The following TTN variants were observed in gnomAD, a reference collection of about 807,000 sequenced individuals.
TTN encodes connectin.
In TTN, 1,525 loss-of-function variants were observed where a neutral mutation model predicts 3,223.0. The observed-to-expected ratio is 0.47, with a 90% CI of 0.45 to 0.49. The LOEUF (loss-of-function observed/expected upper bound fraction) is 0.49, where lower values mean the gene tolerates loss of function less well. TTN is among the 20% of genes least tolerant of loss of function. The pLI, the probability that TTN is intolerant of heterozygous loss-of-function variation, is 0.00. For missense variants in TTN, 40,786 were observed against 43,424.0 expected (o/e 0.94, Z 5.40); for synonymous variants, 14,094 against 15,161.0 (o/e 0.93, Z 5.17).
chr2:178,531,565 G>A lies in TTN; in HGVS notation c.105050C>T (p.Thr35017Ile). The A allele has an allele frequency of 6.2e-7, 1 of 1,613,934 alleles. No homozygotes were observed. The highest frequency in any genetic ancestry group is 1.1e-5 in the South Asian group (1 of 91,086). ...DDSGTYRAVC[T>I]NYKGEASDYA... ...GTCAGAAGCTTCGCCCTTGTAGTTG[G>A]TGCACACAGCACGGTAGGTTCCACT... Residue 35017 changes from threonine (T) to isoleucine (I), a missense_variant, in exon 358 of 363, where the codon ACC becomes ATC. By Grantham distance (89) the Thr-to-Ile change is moderately conservative. Transcript: ENST00000589042.
rs528358945 is a variant in TTN, at chr2:178,543,061, G to A, written c.96904+8C>T. The A allele has an allele frequency of 1.2e-4, 177 of 1,532,890 alleles. 4 individuals are homozygous for A. The South Asian group carries it at 1.8e-3, about 16-fold the overall frequency. The allele number at this position is 1,532,890 out of a possible 1,614,324, so 95.0% of individuals were successfully genotyped here. ...CTTTTTTTTTTTTTTTGGCTATTTG[G>A]TACATACCTCTGAGGTCTTGTACAG... On this transcript the variant is annotated splice_region_variant and intron_variant, in intron 347 of 362. Coordinates refer to ENST00000589042, the MANE Select transcript of TTN (RefSeq NM_001267550.2).
At chr2:178,764,109 G>T (rs1226015912) in intron 43 of TTN, 68 bp downstream of exon 43, 2 of 1,607,914 alleles carry the variant, frequency 1.2e-6, no homozygotes, top group African/African-American at 1.3e-5. Flanking sequence ...AGGAGAAGCT[G>T]ACAGAATGTT....
rs770632756 is a variant in TTN, at chr2:178,664,694, A to T, written c.36162T>A (p.Leu12054=). The change falls in exon 167 of 363, where the codon CTT becomes CTA. Residue 12054 remains leucine (L), a synonymous_variant. Transcript: ENST00000589042. ...LQEIVPEKKT[L]VVPLRKPEVL... ...CTTCAGGCTTTCTGAGAGGAACCAC[A>T]AGCGTTTTCTTTTCAGGGACAATTT... The T allele has an allele frequency of 1.9e-6, 3 of 1,612,440 alleles. No homozygotes were observed. The Admixed American group carries it at 5.0e-5, about 27-fold the overall frequency.
Position 178,721,832 on chromosome 2 carries a change from G to C in TTN, c.22816+15C>G. 1 of 1,513,184 alleles carries C rather than the reference G, an allele frequency of 6.6e-7. No individual in the cohort carries two copies. The allele number at this position is 1,513,184 out of a possible 1,614,324, so 93.7% of individuals were successfully genotyped here. ...TGGTAAGGAACAAATATTGTCAAAA[G>C]TCATGGAATGATACCTTTTACACTG... On this transcript the variant is annotated intron_variant, in intron 78 of 362. Coordinates refer to ENST00000589042, the MANE Select transcript of TTN (RefSeq NM_001267550.2).
Position 178,569,969 on chromosome 2 carries a change from C to G in TTN, c.76163G>C (p.Ser25388Thr). The G allele has an allele frequency of 3.7e-6, 6 of 1,612,018 alleles. No homozygotes were observed. The highest frequency in any genetic ancestry group is 5.1e-6 in the Non-Finnish European group (6 of 1,178,704). ...GTAAGCAGAAGGAGGGCTTGGTTCACTAAGTCCAGCAGCATTCTCAGCAGA... is the reference window on the plus strand; with the variant it reads ...GTAAGCAGAAGGAGGGCTTGGTTCAGTAAGTCCAGCAGCATTCTCAGCAGA... The part of the protein sequence containing the change: ...RVSAENAAGL[S>T]EPSPPSAYQK... The change falls in exon 326 of 363, where the codon AGT becomes ACT. Residue 25388 changes from serine to threonine, a missense_variant. By Grantham distance (58) the Ser-to-Thr change is moderately conservative (BLOSUM62 1). Coordinates refer to ENST00000589042, the MANE Select transcript of TTN (RefSeq NM_001267550.2).
Position 178,729,491 on chromosome 2 carries a change from A to G in TTN, c.18665T>C (p.Val6222Ala). ...KYSDVELECE[V>A]TGTPPFEVTW... ...GACTTCAAACGGAGGTGTTCCCGTA[A>G]CTTCACACTCCAGCTCCACGTCACT... The change falls in exon 64 of 363, where the codon GTT becomes GCT. Residue 6222 changes from valine to alanine, a missense_variant. Coordinates refer to ENST00000589042, the MANE Select transcript of TTN (RefSeq NM_001267550.2). 6.2e-7 allele frequency: 1 copy of G among 1,613,604 alleles called. No homozygotes were observed. Among genetic ancestry groups the G allele is most frequent in the Non-Finnish European group, 8.5e-7 (1 of 1,179,644 alleles).
Position 178,590,500 on chromosome 2 carries a change from C to T in TTN, c.61225G>A (p.Glu20409Lys), listed in dbSNP as rs2049975714. The T allele has an allele frequency of 1.9e-6, 3 of 1,613,130 alleles. No individual in the cohort carries two copies. Among genetic ancestry groups the T allele is most frequent in the Non-Finnish European group, 2.5e-6 (3 of 1,179,426 alleles). ...TGTGCTGTGCCAGGTTTCTGACATT[C>T]CACTACATATCCTAGAATGGGGCTA... ...GGSPILGYVV[E>K]CQKPGTAQWN... The change falls in exon 304 of 363, where the codon GAA (glutamate) becomes AAA (lysine). Residue 20409 changes from glutamate (E) to lysine (K), a missense_variant. Transcript: ENST00000589042.
intron 4 of TTN, 39 bp downstream of exon 4, chr2:178,800,356 C>A (rs1341601167): frequency 6.2e-7 from 1 of 1,613,010 alleles, no homozygotes; most frequent in East Asian, 2.2e-5. Flanking sequence ...CAAACCAGCT[C>A]TCTCCCCTTC....
rs1707949011 is a variant in TTN at position 178,570,875 on chromosome 2, G to A, written c.75257C>T (p.Ala25086Val). The part of the protein sequence containing the change: ...RYEFRVIARN[A>V]AGVFSEPSES... ...TGAAGGCTCACTAAACACTCCTGCG[G>A]CATTTCGGGCTATAACCCGGAACTC... Residue 25086 changes from alanine (A) to valine (V), a missense_variant, in exon 326 of 363, where the codon GCC (alanine) becomes GTC (valine). Physicochemically the swap from Ala to Val is moderately conservative, Grantham distance 64 (BLOSUM62 0). Transcript: ENST00000589042. 4 of 1,613,514 alleles carry A rather than the reference G, an allele frequency of 2.5e-6. No homozygotes were observed. Among genetic ancestry groups the A allele is most frequent in the Non-Finnish European group, 3.4e-6 (4 of 1,179,616 alleles).
chr2:178,672,696 C>G lies in TTN; in HGVS notation c.34794G>C (p.Lys11598Asn). The G allele has an allele frequency of 6.2e-7, 1 of 1,602,196 alleles. No homozygotes were observed. Residue 11598 changes from lysine (K) to asparagine (N), a missense_variant, in exon 153 of 363, where the codon AAG becomes AAC. Physicochemically the swap from Lys to Asn is moderately conservative, Grantham distance 94. Transcript: ENST00000589042. ...CAGGTACTTTTTCCTCAGGAATTTT[C>G]TTTGACACTTTAAAGATATTAGGTG... ...KVEAPPAKVS[K>N]KIPEEKVPVP...
chr2:178,665,070 G>T, intron 165 of TTN, 144 bp from the exon 166 acceptor site: 1 of 1,015,246 alleles, frequency 9.8e-7, no homozygotes, highest in Non-Finnish European at 1.4e-6. Flanking sequence ...GTCTTTTAAG[G>T]GGTTAGTGGA....
rs1701748367 is a variant in TTN, at chr2:178,556,965, T to C, written c.88189A>G (p.Ile29397Val). Residue 29397 changes from isoleucine to valine, a missense_variant, in exon 330 of 363, where the codon ATC becomes GTC. By Grantham distance (29) the Ile-to-Val change is conservative (BLOSUM62 3). Coordinates refer to ENST00000589042, the MANE Select transcript of TTN (RefSeq NM_001267550.2). ...TGGGAATTCTGAGTCAAGCCAGAGA[T>C]GATGAATTGAGTTTCAGTAACATTG... ...FTNVTETQFI[I>V]SGLTQNSQYE... The C allele has an allele frequency of 1.2e-6, 2 of 1,613,666 alleles. No homozygotes were observed. The highest frequency in any genetic ancestry group is 1.1e-5 in the South Asian group (1 of 91,080).
Position 178,679,579 on chromosome 2 carries a change from G to T in TTN, c.33664+20C>A. The T allele has an allele frequency of 1.2e-6, 2 of 1,605,606 alleles. No individual in the cohort carries two copies. Among genetic ancestry groups the T allele is most frequent in the Non-Finnish European group, 1.7e-6 (2 of 1,177,026 alleles). ...GGCAGATGAAGTCTCTTAGATACCC[G>T]TCAATGAATGGTGGTGTACCTTTTG... On this transcript the variant is annotated intron_variant, in intron 141 of 362. Coordinates refer to ENST00000589042, the MANE Select transcript of TTN (RefSeq NM_001267550.2).
At chr2:178,792,471 A>T (rs569912324) in intron 9 of TTN, among the ~76,000 whole-genome samples, 1 of 152,214 alleles carries the variant, frequency 6.6e-6, no homozygotes, top group South Asian at 2.1e-4. Context: ...ATGACTTCCA[A>T]TGTTTACAAA....
rs754896104 is a variant in TTN at position 178,800,577 on chromosome 2, A to C, written c.401T>G (p.Val134Gly). 4 of 1,614,150 alleles carry C rather than the reference A, an allele frequency of 2.5e-6. No homozygotes were observed. In the East Asian group the frequency reaches 8.9e-5, roughly 36 times the overall value. ...QVRVTGIPTP[V>G]VKFYRDGAEI... is the part of the protein sequence containing the mutation. Reference sequence around the variant, plus strand: ...GGCTCCATCCCGGTAGAACTTCACCACAGGTGTAGGGATTCCAGTCACTCT... The same window carrying C: ...GGCTCCATCCCGGTAGAACTTCACCCCAGGTGTAGGGATTCCAGTCACTCT... The change falls in exon 4 of 363, where the codon GTG becomes GGG. Residue 134 changes from valine (V) to glycine (G), a missense_variant. Physicochemically the swap from Val to Gly is moderately radical, Grantham distance 109. Transcript: ENST00000589042.
Position 178,729,954 on chromosome 2 carries a change from G to A in TTN, c.18308-9C>T, listed in dbSNP as rs1167675230. The A allele has an allele frequency of 7.5e-6, 12 of 1,606,336 alleles. No individual in the cohort carries two copies. Among genetic ancestry groups the A allele is most frequent in the Non-Finnish European group, 4.2e-6 (5 of 1,177,398 alleles). ...AATGAATTGAGGAGGTTCTAAAGAT[G>A]GAAAAAGAATTGTGATGTTGAATAT... is the stretch of plus-strand genomic sequence containing the variant. On this transcript the variant is annotated splice_polypyrimidine_tract_variant and intron_variant, in intron 62 of 362. Transcript: ENST00000589042.
rs955762474 is a variant in TTN, at chr2:178,554,981, G to A, written c.88478C>T (p.Thr29493Met). Residue 29493 changes from threonine to methionine, a missense_variant, in exon 331 of 363, where the codon ACG becomes ATG. Physicochemically the swap from Thr to Met is moderately conservative, Grantham distance 81 (BLOSUM62 -1). Coordinates refer to ENST00000589042, the MANE Select transcript of TTN (RefSeq NM_001267550.2). Reference sequence around the variant, plus strand: ...TTTGATGAGTATAGATGCGAGGTCCGTGGTATTTTCAACACACACCAGTGC... The same window carrying A: ...TTTGATGAGTATAGATGCGAGGTCCATGGTATTTTCAACACACACCAGTGC... ...TNALVCVENT[T>M]DLASILIKDA... is the part of the protein sequence containing the mutation. 1.9e-5 allele frequency: 31 copies of A among 1,613,636 alleles called. No individual in the cohort carries two copies. The highest frequency in any genetic ancestry group is 3.3e-4 in the Middle Eastern group (2 of 6,060).
At position 178,620,756 on chromosome 2, in the gene TTN, CTG is replaced by C. The variant is rs1266824761; in HGVS notation, c.45852_45853del (p.His15284GlnfsTer3). On this transcript the variant is annotated frameshift_variant, in exon 247 of 363. Transcript: ENST00000589042. LOFTEE classifies it high-confidence loss of function. The stretch of plus-strand genomic sequence containing the variant: ...GGCTGCACTTTTAACATTTTCACCT[CTG>C]TGATTGGTCAAAGACACATTATAGT... 1.2e-6 allele frequency: 2 copies of C among 1,612,678 alleles called. No homozygotes were observed. The highest frequency in any genetic ancestry group is 1.1e-5 in the South Asian group (1 of 91,042).
chr2:178,646,659 T>G, intron 215 of TTN, 100 bp from the exon 216 acceptor site: 1 of 680,600 alleles, frequency 1.5e-6, no homozygotes, highest in Non-Finnish European at 2.5e-6. Context: ...AGTCACAAAA[T>G]AAAAATATAC....
Sources: gnomAD v4.1 joint callset for allele counts (sites outside exome capture counted in the v4.1 genomes callset) on GRCh38, gnomAD v4.1.1 for gene constraint, MANE v1.5 for transcripts, NCBI Gene and HGNC (gene_info 2026-07-23, HGNC 2026-07-21) for gene names.